MORC4: variants seen among roughly 807,000 people sequenced by gnomAD.
The protein encoded by MORC4 is MORC family CW-type zinc finger 4.
A neutral mutation model predicts 65.5 loss-of-function variants in MORC4; 22 were observed. That is an observed-to-expected ratio of 0.34 (90% CI 0.24 to 0.48). MORC4 has a LOEUF of 0.48. MORC4 is among the 20% of genes least tolerant of loss of function. The pLI, the probability that MORC4 is intolerant of heterozygous loss-of-function variation, is 0.99. For missense variants in MORC4, 624 were observed against 703.0 expected (o/e 0.89, Z 1.27); for synonymous variants, 267 against 255.8 (o/e 1.04, Z -0.42).
Position 107,000,051 on chromosome X carries a change from T to A in MORC4, c.-82A>T. ...GGGACTAGCCCTCGCTCACTTCCAC[T>A]CGCAGCTGGCGGCGACCGTCCGGGA... On this transcript the variant is annotated 5_prime_UTR_variant, in exon 1 of 17. Coordinates refer to ENST00000355610, the MANE Select transcript of MORC4 (RefSeq NM_024657.5). The A allele has an allele frequency of 2.7e-6, 1 of 368,707 alleles. No individual in the cohort carries two copies. Among genetic ancestry groups the A allele is most frequent in the South Asian group, 9.8e-5 (1 of 10,215 alleles). 30.4% of individuals were successfully genotyped at this position (368,707 alleles called of 1,213,427 possible). A position where few individuals can be genotyped will look rare whatever the true frequency, so the allele number is the denominator to read the frequency against.
At chrX:106,947,786 C>T (rs1025901033) in intron 14 of MORC4, among the ~76,000 whole-genome samples, 6 of 105,005 alleles carry the variant, frequency 5.7e-5, no homozygotes, top group Non-Finnish European at 1.2e-4. Flanking sequence ...GTAATAAGTA[C>T]ACTCACATAT....
rs1934926717 is a variant in MORC4 at position 106,988,938 on chromosome X, C to T, written c.309-2738G>A. The stretch of plus-strand genomic sequence containing the variant: ...CGTGTTTACCTATGTAACAAACCTT[C>T]ACGTGTACCTCCAAACCAAAAATAA... On this transcript the variant is annotated intron_variant, in intron 3 of 16. Coordinates refer to ENST00000355610, the MANE Select transcript of MORC4 (RefSeq NM_024657.5). 2.7e-5 allele frequency among the ~76,000 whole-genome samples: 3 copies of T among 111,847 alleles called. No individual in the cohort carries two copies. In the Admixed American group the frequency reaches 2.9e-4, roughly 11 times the overall value.
Position 106,961,825 on chromosome X carries a change from C to T in MORC4, c.1256+187G>A, listed in dbSNP as rs1331892383. 4.5e-5 allele frequency among the ~76,000 whole-genome samples: 5 copies of T among 111,903 alleles called. No homozygotes were observed. The East Asian group carries it at 1.4e-3, about 32-fold the overall frequency. On this transcript the variant is annotated intron_variant, in intron 10 of 16. Transcript: ENST00000355610. Reference sequence around the variant, plus strand: ...TCACAATAAACCTTGCTACCACTCACTCTTTGGGTCGGTGCCATCTTTAAG... The same window carrying T: ...TCACAATAAACCTTGCTACCACTCATTCTTTGGGTCGGTGCCATCTTTAAG...
chrX:106,955,194 G>T (rs1934077794), intron 13 of MORC4, 106 bp from the exon 14 acceptor site: 2 of 584,042 alleles, frequency 3.4e-6, no homozygotes, highest in Non-Finnish European at 5.3e-6. Context: ...CAAATAAAAA[G>T]AAACTGTTTC....
rs1274790317 is a variant in MORC4, at chrX:106,942,619, G to A, written c.2272C>T (p.His758Tyr). 7 of 1,211,074 alleles carry A rather than the reference G, an allele frequency of 5.8e-6. No homozygotes were observed. Among genetic ancestry groups the A allele is most frequent in the Non-Finnish European group, 6.7e-6 (6 of 895,137 alleles). Residue 758 changes from histidine (H) to tyrosine (Y), a missense_variant, in exon 15 of 17, where the codon CAT becomes TAT. His to Tyr is a moderately conservative substitution (Grantham distance 83). Transcript: ENST00000355610. ...KARGYEESEG[H>Y]NTPKLKNQRE... is the part of the protein sequence containing the mutation. The stretch of plus-strand genomic sequence containing the variant: ...TGGTTCTTCAACTTTGGTGTATTAT[G>A]ACCTTCGCTCTCCTCATAGCCTCTT...
chrX:106,947,516 G>C (rs1933858802), intron 14 of MORC4, among the ~76,000 whole-genome samples: 1 of 89,041 alleles, frequency 1.1e-5, no homozygotes, highest in Non-Finnish European at 2.2e-5. Context: ...TGTATTTCTG[G>C]GGCTCTGTAG....
In MORC4 at chrX:106,985,978, G is replaced by C. The variant is rs1934860715; in HGVS notation, c.526+5C>G. 8.4e-7 allele frequency: 1 copy of C among 1,188,459 alleles called. No homozygotes were observed. The highest frequency in any genetic ancestry group is 1.8e-5 in the African/African-American group (1 of 56,744). ...ACCAACATTCTCCATTTCCAGAAAG[G>C]ATATTGTTTTGCTGGTTGAATGGAA... On this transcript the variant is annotated splice_donor_5th_base_variant and intron_variant, in intron 4 of 16. Transcript: ENST00000355610.
At chrX:106,965,471 A>C (rs993315868) in intron 9 of MORC4, among the ~76,000 whole-genome samples, 1 of 112,368 alleles carries the variant, frequency 8.9e-6, no homozygotes, top group African/African-American at 3.2e-5. Flanking sequence ...AAAATGACAG[A>C]AGTAAGTCTC....
chrX:106,963,979 A>G (rs1392033520), intron 9 of MORC4, among the ~76,000 whole-genome samples: 5 of 111,265 alleles, frequency 4.5e-5, no homozygotes, highest in Admixed American at 9.6e-5. Flanking sequence ...GTTTACAACA[A>G]AAAGTCACAA....
At chrX:106,963,679 C>T (rs2147812050) in intron 9 of MORC4, among the ~76,000 whole-genome samples, 1 of 111,505 alleles carries the variant, frequency 9.0e-6, no homozygotes, top group Non-Finnish European at 1.9e-5. Context: ...TCTTTTTCCT[C>T]CTCTATTTCT....
chrX:106,966,218 A>T (rs1207849832), intron 9 of MORC4, among the ~76,000 whole-genome samples: 1 of 112,486 alleles, frequency 8.9e-6, no homozygotes, highest in African/African-American at 3.2e-5. Context: ...GAAAAAGCTG[A>T]GGCTGGGGCT....
Position 106,947,540 on chromosome X carries a change from T to A in MORC4, c.1686-4335A>T, listed in dbSNP as rs1210277324. On this transcript the variant is annotated intron_variant, in intron 14 of 16. Transcript: ENST00000355610. Reference sequence around the variant, plus strand: ...GGGGCTCTGTAGTTAGGTATATATATATATACCTGTAGTTAATCTATATAT... The same window carrying A: ...GGGGCTCTGTAGTTAGGTATATATAAATATACCTGTAGTTAATCTATATAT... Among the ~76,000 whole-genome samples, 8 of 89,148 alleles carry A rather than the reference T, an allele frequency of 9.0e-5. No homozygotes were observed. The East Asian group carries it at 2.9e-3, about 32-fold the overall frequency. The allele number at this position is 89,148 out of a possible 115,157, so 77.4% of individuals were successfully genotyped here.
chrX:106,987,879 A>G (rs868250767), intron 3 of MORC4, among the ~76,000 whole-genome samples: 2 of 104,761 alleles, frequency 1.9e-5, no homozygotes, highest in Non-Finnish European at 4.0e-5. Context: ...AAAAAAAAAG[A>G]AAAAGAACTT....
intron 9 of MORC4, among the ~76,000 whole-genome samples, chrX:106,970,031 A>C (rs749442448): frequency 3.8e-4 from 42 of 111,724 alleles, no homozygotes; most frequent in African/African-American, 1.3e-3. Flanking sequence ...CAAAAAAAGA[A>C]AATTTTAGGC....
intron 3 of MORC4, among the ~76,000 whole-genome samples, chrX:106,989,009 C>T (rs1934927760): frequency 8.9e-6 from 1 of 112,273 alleles, no homozygotes; most frequent in Admixed American, 9.4e-5. Flanking sequence ...ACCAATGAAA[C>T]AAACCTTGGC....
rs1296497890 is a variant in MORC4, at chrX:106,971,026, G to C, written c.1157+5558C>G. ...TAGCCAAGACAGTCCTGGGCAAGAA[G>C]AACAAAGCTGGAGGCATCACACTAC... On this transcript the variant is annotated intron_variant, in intron 9 of 16. Transcript: ENST00000355610. 1.1e-4 allele frequency among the ~76,000 whole-genome samples: 12 copies of C among 111,758 alleles called. No individual in the cohort carries two copies. The East Asian group carries it at 3.4e-3, about 31-fold the overall frequency.
At chrX:106,947,570 ATT>A (rs1933865091) in intron 14 of MORC4, among the ~76,000 whole-genome samples, 1 of 59,366 alleles carries the variant, frequency 1.7e-5, no homozygotes, top group Non-Finnish European at 2.9e-5. Context: ...ATATATATAT[ATT>A]ATATATATAT....
intron 5 of MORC4, among the ~76,000 whole-genome samples, chrX:106,981,930 T>C (rs780657344): frequency 8.9e-6 from 1 of 112,367 alleles, no homozygotes; most frequent in African/African-American, 3.2e-5. Flanking sequence ...TCTAATCTTA[T>C]TTCTTAAAAG....
chrX:106,941,293 C>T lies in MORC4; in HGVS notation c.*186G>A. 2.8e-6 allele frequency: 1 copy of T among 359,159 alleles called. No individual in the cohort carries two copies. Among genetic ancestry groups the T allele is most frequent in the South Asian group, 8.6e-5 (1 of 11,640 alleles). The allele number at this position is 359,159 out of a possible 1,213,427, so 29.6% of individuals were successfully genotyped here. Reference sequence around the variant, plus strand: ...ATTTAAACTGGCCTCTTTCTCCACACCAAAACTGATAAAAAGGAGACTGAT... The same window carrying T: ...ATTTAAACTGGCCTCTTTCTCCACATCAAAACTGATAAAAAGGAGACTGAT... On this transcript the variant is annotated 3_prime_UTR_variant, in exon 17 of 17. Coordinates refer to ENST00000355610, the MANE Select transcript of MORC4 (RefSeq NM_024657.5).
Sources: allele counts gnomAD v4.1 joint callset (sites outside exome capture counted in the v4.1 genomes callset), GRCh38; gene constraint gnomAD v4.1.1; transcripts MANE v1.5; gene names NCBI Gene and HGNC (gene_info 2026-07-23, HGNC 2026-07-21).